Variants in BPNT1 observed in about 807,000 individuals in gnomAD.
BPNT1 encodes 3'(2'), 5'-bisphosphate nucleotidase 1, also known as 3'(2'),5'-bisphosphate nucleotidase 1.
A neutral mutation model predicts 36.9 loss-of-function variants in BPNT1; 28 were observed. The ratio of observed to expected loss-of-function variants is 0.76; its 90% CI spans 0.56 to 1.04. BPNT1 has a LOEUF of 1.04. Ranked by LOEUF, BPNT1 falls within the 50% of genes least tolerant of loss-of-function variation. BPNT1 has a pLI of 0.00. For missense variants in BPNT1, 313 were observed against 372.9 expected, an observed-to-expected ratio of 0.84 and a Z score of 1.32; for synonymous variants, 119 against 130.9, an observed-to-expected ratio of 0.91 and a Z score of 0.62.
chr1:220,084,351 AAAAAG>A (rs1655517885), intron 1 of BPNT1, among the ~76,000 whole-genome samples: 1 of 151,890 alleles, frequency 6.6e-6, no homozygotes, highest in African/African-American at 2.4e-5. Context: ...AAAGAAAAAG[AAAAAG>A]AAAAGGAAAC....
At chr1:220,080,649 C>T (rs1007447506) in intron 1 of BPNT1, among the ~76,000 whole-genome samples, 14 of 152,198 alleles carry the variant, frequency 9.2e-5, no homozygotes, top group African/African-American at 3.1e-4. Flanking sequence ...TATCACTGCC[C>T]CCATGATTCA....
At chr1:220,072,608 C>A (rs1664169788) in intron 4 of BPNT1, among the ~76,000 whole-genome samples, 1 of 152,158 alleles carries the variant, frequency 6.6e-6, no homozygotes, top group East Asian at 1.9e-4. Flanking sequence ...AGCCACCATG[C>A]CTGTCCCTAA....
chr1:220,082,353 G>GT (rs1655259853), intron 1 of BPNT1, among the ~76,000 whole-genome samples: 1 of 151,316 alleles, frequency 6.6e-6, no homozygotes, highest in African/African-American at 2.4e-5. Flanking sequence ...GCTAATTTTT[G>GT]TATTTTTAGT....
chr1:220,079,815 A>G lies in BPNT1; in HGVS notation c.32T>C (p.Leu11Ser). ...AGCAATAGAATATGCGGAGGCTACC[A>G]ACCGCATCAACACAGTGTTACTGGA... MASSNTVLMR[L>S]VASAYSIAQK... is the part of the protein sequence containing the mutation. The change falls in exon 2 of 9, where the codon TTG becomes TCG. Residue 11 changes from leucine (L) to serine (S), a missense_variant. Coordinates refer to ENST00000322067, the MANE Select transcript of BPNT1 (RefSeq NM_006085.6). The G allele has an allele frequency of 6.2e-7, 1 of 1,613,830 alleles. No homozygotes were observed. The highest frequency in any genetic ancestry group is 1.6e-4 in the Middle Eastern group (1 of 6,062).
intron 7 of BPNT1, among the ~76,000 whole-genome samples, chr1:220,060,469 C>G (rs761561652): frequency 5.3e-5 from 8 of 152,018 alleles, no homozygotes; most frequent in Non-Finnish European, 8.8e-5. Context: ...GAGCGAGACT[C>G]TGTCTCAAAC....
chr1:220,082,517 CA>C (rs1655275778), intron 1 of BPNT1, among the ~76,000 whole-genome samples: 3 of 151,944 alleles, frequency 2.0e-5, no homozygotes, highest in Admixed American at 2.0e-4. Context: ...CTCCATTCAG[CA>C]ATAGTCATTG....
chr1:220,084,226 G>T (rs1264031871), intron 1 of BPNT1, among the ~76,000 whole-genome samples: 2 of 151,940 alleles, frequency 1.3e-5, no homozygotes, highest in East Asian at 3.9e-4. Flanking sequence ...CAGCTACTCG[G>T]GAGGCTGAGG....
chr1:220,089,127 A>G (rs1202848594), intron 1 of BPNT1, among the ~76,000 whole-genome samples: 6 of 141,046 alleles, frequency 4.3e-5, no homozygotes, highest in Admixed American at 7.3e-5. Flanking sequence ...AAAAAAAAAG[A>G]AGGAGGAGGA....
At chr1:220,060,293 T>C (rs964694510) in intron 7 of BPNT1, among the ~76,000 whole-genome samples, 4 of 152,040 alleles carry the variant, frequency 2.6e-5, no homozygotes, top group African/African-American at 9.7e-5. Flanking sequence ...GTGGCCAACA[T>C]AGCAAAACCC....
At chr1:220,088,312 G>A (rs1237541555) in intron 1 of BPNT1, among the ~76,000 whole-genome samples, 1 of 151,432 alleles carries the variant, frequency 6.6e-6, no homozygotes, top group Non-Finnish European at 1.5e-5. Context: ...TGGCCAACAT[G>A]GTGAAACCCC....
intron 1 of BPNT1, among the ~76,000 whole-genome samples, chr1:220,087,947 G>A (rs1655896347): frequency 6.6e-6 from 1 of 151,862 alleles, no homozygotes; most frequent in African/African-American, 2.4e-5. Flanking sequence ...GCGAGATCTT[G>A]GCTCACCGCA....
chr1:220,083,527 G>T (rs1655416483), intron 1 of BPNT1, among the ~76,000 whole-genome samples: 1 of 151,698 alleles, frequency 6.6e-6, no homozygotes, highest in South Asian at 2.1e-4. Context: ...TGTTAGCCAG[G>T]ATGGTCTCGA....
chr1:220,059,629 C>T (rs1433762100), intron 8 of BPNT1, 57 bp downstream of exon 8: 9 of 1,266,690 alleles, frequency 7.1e-6, no homozygotes, highest in Non-Finnish European at 1.0e-5. Context: ...GATATTATGT[C>T]TTAGCATGAT....
chr1:220,071,371 G>A (rs984965989), intron 4 of BPNT1, among the ~76,000 whole-genome samples: 1 of 152,132 alleles, frequency 6.6e-6, no homozygotes, highest in Non-Finnish European at 1.5e-5. Flanking sequence ...GTAGCAACCT[G>A]TTTCATAGCC....
intron 4 of BPNT1, among the ~76,000 whole-genome samples, chr1:220,070,529 T>C (rs1426970105): frequency 6.6e-6 from 1 of 151,842 alleles, no homozygotes; most frequent in Non-Finnish European, 1.5e-5. Flanking sequence ...GTATTTTTAG[T>C]AGAGATAGGG....
intron 1 of BPNT1, among the ~76,000 whole-genome samples, chr1:220,084,970 T>C (rs1460796707): frequency 2.6e-5 from 4 of 152,154 alleles, no homozygotes; most frequent in Non-Finnish European, 5.9e-5. Flanking sequence ...TTGAAGTACT[T>C]CTCTGGTCCA....
At chr1:220,059,972 T>C (rs146770973) in intron 7 of BPNT1, among the ~76,000 whole-genome samples, 181 bp from the exon 8 acceptor site, 26 of 152,230 alleles carry the variant, frequency 1.7e-4, no homozygotes, top group African/African-American at 5.8e-4. Flanking sequence ...TATGAAGAAA[T>C]ACATAGAATA....
At position 220,058,557 on chromosome 1, in the gene BPNT1, G is replaced by A; in HGVS notation, c.*287C>T. 1 of 948,340 alleles carries A rather than the reference G, an allele frequency of 1.1e-6. No homozygotes were observed. Among genetic ancestry groups the A allele is most frequent in the Non-Finnish European group, 1.3e-6 (1 of 779,156 alleles). The allele number at this position is 948,340 out of a possible 1,614,324, so 58.7% of individuals were successfully genotyped here. A position where few individuals can be genotyped will look rare whatever the true frequency, so the allele number is the denominator to read the frequency against. The stretch of plus-strand genomic sequence containing the variant: ...TTGTTTTTTTTTTTTCTGAGACAGG[G>A]CTTAACTCCTGTCACTCAGGCTGGA... On this transcript the variant is annotated 3_prime_UTR_variant, in exon 9 of 9. Coordinates refer to ENST00000322067, the MANE Select transcript of BPNT1 (RefSeq NM_006085.6).
chr1:220,067,792 G>C (rs192951465), intron 5 of BPNT1, among the ~76,000 whole-genome samples: 3 of 152,110 alleles, frequency 2.0e-5, no homozygotes, highest in Non-Finnish European at 4.4e-5. Context: ...TTCTCAAAGG[G>C]AGGCCCAAGG....
Sources: gnomAD v4.1 joint callset for allele counts (sites outside exome capture counted in the v4.1 genomes callset) on GRCh38, gnomAD v4.1.1 for gene constraint, MANE v1.5 for transcripts, NCBI Gene and HGNC (gene_info 2026-07-23, HGNC 2026-07-21) for gene names.